Variants in ANO3 observed in about 807,000 individuals in gnomAD.
The protein encoded by ANO3 is anoctamin-3.
A neutral mutation model predicts 144.8 loss-of-function variants in ANO3; 99 were observed. The ratio of observed to expected loss-of-function variants is 0.68; its 90% CI spans 0.58 to 0.81. ANO3 has a LOEUF of 0.81. ANO3 is among the 30% of genes least tolerant of loss of function. The probability of loss-of-function intolerance (pLI) is 0.00; values close to 1 mark genes in which losing one functional copy is unlikely to be tolerated. For missense variants in ANO3, 905 were observed against 1,202.2 expected, an observed-to-expected ratio of 0.75 and a Z score of 3.66; for synonymous variants, 414 against 392.6, an observed-to-expected ratio of 1.05 and a Z score of -0.64.
At chr11:26,537,333 T>C (rs1849535942) in intron 9 of ANO3, 73 bp from the exon 10 acceptor site, 1 of 1,177,482 alleles carries the variant, frequency 8.5e-7, no homozygotes, top group East Asian at 2.3e-5. Flanking sequence ...TTGTTCCCCG[T>C]ATATTTCTGT....
intron 1 of ANO3, among the ~76,000 whole-genome samples, chr11:26,296,356 G>GC (rs146740040): frequency 0.044 from 6,619 of 152,160 alleles, 481 homozygotes; most frequent in African/African-American, 0.15. Flanking sequence ...GCTTATCCTG[G>GC]CCCCAGATTA....
chr11:26,201,761 TG>T (rs1156936756), intron 1 of ANO3, among the ~76,000 whole-genome samples: 274 of 150,546 alleles, frequency 1.8e-3, no homozygotes, highest in African/African-American at 6.5e-3. Flanking sequence ...AAGGAAGTTT[TG>T]TTTTTTTTTT....
rs549690264 is a variant in ANO3 at position 26,485,814 on chromosome 11, A to G, written c.433-22290A>G. The stretch of plus-strand genomic sequence containing the variant: ...GTAGGCAAATAATTTATTGACTAAA[A>G]CTTCAAAAGAAAAAGCAACAAAAGC... On this transcript the variant is annotated intron_variant, in intron 4 of 26. Coordinates refer to ENST00000256737, the MANE Select transcript of ANO3 (RefSeq NM_031418.4). Among the ~76,000 whole-genome samples the G allele has an allele frequency of 3.3e-5, 5 of 152,318 alleles. No individual in the cohort carries two copies. The South Asian group carries it at 1.0e-3, about 32-fold the overall frequency.
chr11:26,283,649 C>T (rs1853735653), intron 1 of ANO3, among the ~76,000 whole-genome samples: 1 of 151,912 alleles, frequency 6.6e-6, no homozygotes, highest in African/African-American at 2.4e-5. Context: ...AATGTGTGCC[C>T]AGTAATTTTA....
intron 1 of ANO3, among the ~76,000 whole-genome samples, chr11:26,258,413 T>C (rs1479934402): frequency 1.3e-5 from 2 of 152,178 alleles, no homozygotes; most frequent in African/African-American, 4.8e-5. Context: ...GTGCTAAGTA[T>C]CACTGTGAAG....
At chr11:26,422,176 C>T (rs539710086) in intron 1 of ANO3, among the ~76,000 whole-genome samples, 1 of 151,990 alleles carries the variant, frequency 6.6e-6, no homozygotes, top group Non-Finnish European at 1.5e-5. Context: ...AGTTAATTTT[C>T]TTGATGAGAA....
intron 1 of ANO3, among the ~76,000 whole-genome samples, chr11:26,425,794 A>G (rs966920095): frequency 6.6e-6 from 1 of 152,124 alleles, no homozygotes; most frequent in Non-Finnish European, 1.5e-5. Context: ...TCTGTGTTTT[A>G]TCCACAATTG....
At chr11:26,528,813 A>G (rs1171018963) in intron 7 of ANO3, among the ~76,000 whole-genome samples, 1 of 151,782 alleles carries the variant, frequency 6.6e-6, no homozygotes, top group Non-Finnish European at 1.5e-5. Context: ...CAGTCTATTC[A>G]ATGTTTTCTA....
chr11:26,589,777 T>C (rs1851391254), intron 14 of ANO3, among the ~76,000 whole-genome samples: 1 of 152,210 alleles, frequency 6.6e-6, no homozygotes, highest in East Asian at 1.9e-4. Context: ...GTTTTCAAGG[T>C]CCTTCTATGC....
At chr11:26,617,454 T>C (rs1171273704) in intron 17 of ANO3, among the ~76,000 whole-genome samples, 1 of 152,236 alleles carries the variant, frequency 6.6e-6, no homozygotes, top group Non-Finnish European at 1.5e-5. Context: ...GAGAGGATTA[T>C]TGGAATTATA....
At chr11:26,469,172 G>A (rs1484450768) in intron 4 of ANO3, among the ~76,000 whole-genome samples, 1 of 151,916 alleles carries the variant, frequency 6.6e-6, no homozygotes, top group African/African-American at 2.4e-5. Flanking sequence ...TAAGTACTTA[G>A]TTTGACCCTC....
chr11:26,622,251 A>G (rs1213031083), intron 17 of ANO3, among the ~76,000 whole-genome samples: 1 of 152,074 alleles, frequency 6.6e-6, no homozygotes, highest in East Asian at 1.9e-4. Flanking sequence ...CCCCTAATGC[A>G]TCAGTTGCAG....
At chr11:26,599,228 C>A (rs1343139592) in intron 16 of ANO3, among the ~76,000 whole-genome samples, 1 of 152,064 alleles carries the variant, frequency 6.6e-6, no homozygotes, top group Non-Finnish European at 1.5e-5. Flanking sequence ...CAGAGACCAT[C>A]TAAGATAAAA....
At chr11:26,625,302 G>A (rs993459055) in intron 18 of ANO3, among the ~76,000 whole-genome samples, 16 of 152,090 alleles carry the variant, frequency 1.1e-4, no homozygotes, top group Non-Finnish European at 1.5e-4. Flanking sequence ...GCCATTATTG[G>A]ATTTTATCTT....
intron 5 of ANO3, among the ~76,000 whole-genome samples, chr11:26,513,683 T>A (rs1278556997): frequency 6.6e-6 from 1 of 152,164 alleles, no homozygotes; most frequent in Non-Finnish European, 1.5e-5. Flanking sequence ...AATTATTTCT[T>A]GTCCCAAGAT....
intron 1 of ANO3, among the ~76,000 whole-genome samples, chr11:26,381,236 T>A (rs10767519): frequency 3.9e-5 from 6 of 151,954 alleles, no homozygotes; most frequent in Non-Finnish European, 2.9e-5. Context: ...AACCCATTAT[T>A]CTAACTTCAG....
intron 3 of ANO3, among the ~76,000 whole-genome samples, chr11:26,446,108 G>A (rs1228238194): frequency 2.0e-5 from 3 of 152,056 alleles, no homozygotes; most frequent in African/African-American, 4.8e-5. Flanking sequence ...CTGGGATTAC[G>A]GGCATGAGCC....
chr11:26,420,884 A>G (rs1857732266), intron 1 of ANO3, among the ~76,000 whole-genome samples: 1 of 152,076 alleles, frequency 6.6e-6, no homozygotes, highest in Non-Finnish European at 1.5e-5. Context: ...CTTTTTAAAA[A>G]TGAGAGTAGA....
chr11:26,608,755 G>A lies in ANO3; in HGVS notation c.1836+9041G>A, dbSNP rs1480761618. On this transcript the variant is annotated intron_variant, in intron 17 of 26. Transcript: ENST00000256737. ...GCCACAGCAGACTGTGTGTTGGGCT[G>A]TGGGGGACACCTCTTGTGAACAAAC... 2.0e-5 allele frequency among the ~76,000 whole-genome samples: 3 copies of A among 152,160 alleles called. No homozygotes were observed. The East Asian group carries it at 5.8e-4, about 30-fold the overall frequency.
Sources: gnomAD v4.1 joint callset for allele counts (sites outside exome capture counted in the v4.1 genomes callset) on GRCh38, gnomAD v4.1.1 for gene constraint, MANE v1.5 for transcripts, NCBI Gene and HGNC (gene_info 2026-07-23, HGNC 2026-07-21) for gene names.